Variants in AMPH observed in about 807,000 individuals in gnomAD.
AMPH encodes amphiphysin (Stiff-Mann syndrome with breast cancer 128kD autoantigen).
A neutral mutation model predicts 99.1 loss-of-function variants in AMPH; 49 were observed. The observed-to-expected ratio is 0.49, with a 90% CI of 0.39 to 0.63. The LOEUF (loss-of-function observed/expected upper bound fraction) is 0.63. Among genes scored for constraint, AMPH ranks in the 20% least tolerant of loss-of-function variants. The pLI, the probability that AMPH is intolerant of heterozygous loss-of-function variation, is 0.00. For synonymous variants in AMPH, 314 were observed against 317.3 expected (o/e 0.99, Z 0.11); for missense variants, 759 against 863.4 (o/e 0.88, Z 1.52).
At chr7:38,521,574 GA>G (rs1335410255) in intron 2 of AMPH, among the ~76,000 whole-genome samples, 1 of 151,824 alleles carries the variant, frequency 6.6e-6, no homozygotes, top group East Asian at 1.9e-4. Context: ...TTTAACAAAT[GA>G]AAAAAGGTAG....
rs1173107719 is a variant in AMPH, at chr7:38,525,258, G to GTGTATATATATA, written c.150+9672_150+9673insTATATATATACA. 1.7e-3 allele frequency among the ~76,000 whole-genome samples: 190 copies of GTGTATATATATA among 111,136 alleles called. 6 individuals are homozygous for GTGTATATATATA. Among genetic ancestry groups the GTGTATATATATA allele is most frequent in the African/African-American group, 7.5e-3 (187 of 24,996 alleles). The allele number at this position is 111,136 out of a possible 152,430, so 72.9% of individuals were successfully genotyped here. A position where few individuals can be genotyped will look rare whatever the true frequency, so the allele number is the denominator to read the frequency against. On this transcript the variant is annotated intron_variant, in intron 2 of 20. Transcript: ENST00000356264. ...TATATATGTAGTTGTGTGTGTGTGT[G>GTGTATATATATA]TATATATATATATATATATAGAGAG... is the stretch of plus-strand genomic sequence containing the variant.
chr7:38,450,599 G>A (rs1336216949), intron 11 of AMPH, among the ~76,000 whole-genome samples: 1 of 152,176 alleles, frequency 6.6e-6, no homozygotes, highest in African/African-American at 2.4e-5. Flanking sequence ...GAACTCTAGG[G>A]CTCCTATCCA....
intron 1 of AMPH, among the ~76,000 whole-genome samples, chr7:38,542,444 G>T (rs547987840): frequency 6.6e-6 from 1 of 152,264 alleles, no homozygotes; most frequent in South Asian, 2.1e-4. Flanking sequence ...GCTAGGCAAA[G>T]GGATCCTCCA....
intron 2 of AMPH, among the ~76,000 whole-genome samples, chr7:38,514,595 G>A (rs1484642234): frequency 6.6e-6 from 1 of 152,142 alleles, no homozygotes; most frequent in African/African-American, 2.4e-5. Flanking sequence ...ATGGATTAAT[G>A]CCATTATCAT....
Position 38,437,562 on chromosome 7 carries a change from A to G in AMPH, c.1018-1174T>C, listed in dbSNP as rs188111778. 4.9e-3 allele frequency among the ~76,000 whole-genome samples: 738 copies of G among 149,638 alleles called. 8 individuals carry two copies. The highest frequency in any genetic ancestry group is 0.017 in the African/African-American group (705 of 40,584). ...TTTGGGAGGCCGAGGTGGGCAGATCAGGAGGTGAAGAGATTGAGACCATCC... is the reference window on the plus strand; with the variant it reads ...TTTGGGAGGCCGAGGTGGGCAGATCGGGAGGTGAAGAGATTGAGACCATCC... On this transcript the variant is annotated intron_variant, in intron 11 of 20. Transcript: ENST00000356264.
At chr7:38,466,514 T>G (rs1438170834) in intron 7 of AMPH, among the ~76,000 whole-genome samples, 1 of 151,642 alleles carries the variant, frequency 6.6e-6, no homozygotes, top group South Asian at 2.1e-4. Flanking sequence ...TTAGTGTGCA[T>G]GAGAACCACC....
chr7:38,427,541 A>G (rs1295290462), intron 14 of AMPH, among the ~76,000 whole-genome samples: 2 of 152,152 alleles, frequency 1.3e-5, no homozygotes. Flanking sequence ...AAACTCAGAA[A>G]ATGAGATGGT....
chr7:38,542,793 A>C (rs984024777), intron 1 of AMPH, among the ~76,000 whole-genome samples: 6 of 151,962 alleles, frequency 3.9e-5, no homozygotes, highest in Non-Finnish European at 5.9e-5. Flanking sequence ...TCATCTCTAC[A>C]AAAATTAAAA....
chr7:38,486,161 T>G (rs934975933), intron 5 of AMPH, among the ~76,000 whole-genome samples: 3 of 50,680 alleles, frequency 5.9e-5, no homozygotes, highest in Admixed American at 1.5e-4. Context: ...AACTATGAGT[T>G]TTTTTTTTTT....
intron 11 of AMPH, among the ~76,000 whole-genome samples, chr7:38,444,584 A>G (rs1019878630): frequency 2.0e-5 from 3 of 152,112 alleles, no homozygotes; most frequent in African/African-American, 7.2e-5. Flanking sequence ...AAGGACTTTC[A>G]GCAACCACCA....
chr7:38,467,543 T>C (rs1269455286), intron 7 of AMPH, among the ~76,000 whole-genome samples: 1 of 152,060 alleles, frequency 6.6e-6, no homozygotes, highest in Non-Finnish European at 1.5e-5. Context: ...CAACTCTGGG[T>C]ACATGCACAG....
At chr7:38,594,732 T>TA (rs533472390) in intron 1 of AMPH, among the ~76,000 whole-genome samples, 1 of 151,502 alleles carries the variant, frequency 6.6e-6, no homozygotes, top group Non-Finnish European at 1.5e-5. Context: ...ATGTATAGTT[T>TA]AAAAAAAAAC....
At chr7:38,603,260 G>A (rs1793315483) in intron 1 of AMPH, among the ~76,000 whole-genome samples, 1 of 143,104 alleles carries the variant, frequency 7.0e-6, no homozygotes, top group African/African-American at 2.6e-5. Context: ...AGGTTGCAGT[G>A]AGCCAAGATC....
intron 17 of AMPH, among the ~76,000 whole-genome samples, chr7:38,401,659 G>A (rs1308610834): frequency 6.6e-6 from 1 of 152,168 alleles, no homozygotes; most frequent in Non-Finnish European, 1.5e-5. Flanking sequence ...ATAAGTCAGA[G>A]AACAACCTAA....
chr7:38,622,761 G>A (rs545568425), intron 1 of AMPH, among the ~76,000 whole-genome samples: 37 of 152,276 alleles, frequency 2.4e-4, no homozygotes, highest in Non-Finnish European at 4.1e-4. Flanking sequence ...ATATGCACAA[G>A]TAAATTTGAG....
chr7:38,528,153 T>C (rs1790259218), intron 2 of AMPH, among the ~76,000 whole-genome samples: 2 of 152,204 alleles, frequency 1.3e-5, no homozygotes, highest in African/African-American at 2.4e-5. Context: ...TTGCTGATAT[T>C]TGAAAGATTC....
At chr7:38,413,828 A>G (rs970340569) in intron 17 of AMPH, among the ~76,000 whole-genome samples, 2 of 152,218 alleles carry the variant, frequency 1.3e-5, no homozygotes, top group African/African-American at 4.8e-5. Flanking sequence ...CTGATCTTCA[A>G]TGTCTTCTTC....
intron 2 of AMPH, chr7:38,531,405 A>G (rs926915638): frequency 2.0e-5 from 3 of 152,204 alleles, no homozygotes; most frequent in Non-Finnish European, 2.9e-5. Context: ...TTGGGAGTCC[A>G]ATGGACAAAA....
chr7:38,470,561 TTCCACAG>T (rs1370837929), intron 7 of AMPH, among the ~76,000 whole-genome samples: 2 of 152,140 alleles, frequency 1.3e-5, no homozygotes, highest in Non-Finnish European at 2.9e-5. Flanking sequence ...TGGAAGGCTT[TTCCACAG>T]TCCCCTCTTC....
Sources: gnomAD v4.1 joint callset for allele counts (sites outside exome capture counted in the v4.1 genomes callset) on GRCh38, gnomAD v4.1.1 for gene constraint, MANE v1.5 for transcripts, NCBI Gene and HGNC (gene_info 2026-07-23, HGNC 2026-07-21) for gene names.